Variants in SLC2A5 observed in about 807,000 individuals in gnomAD.
SLC2A5 encodes the protein solute carrier family 2, facilitated glucose transporter member 5.
A neutral mutation model predicts 50.3 loss-of-function variants in SLC2A5; 56 were observed. That is an observed-to-expected ratio of 1.11 (90% CI 0.90 to 1.39). The LOEUF is 1.39. Ranked by LOEUF, SLC2A5 falls within the 40% of genes most tolerant of loss-of-function variation. SLC2A5 has a pLI of 0.00. For synonymous variants in SLC2A5, 269 were observed against 281.9 expected, an observed-to-expected ratio of 0.95 and a Z score of 0.46; for missense variants, 566 against 650.1, an observed-to-expected ratio of 0.87 and a Z score of 1.41.
chr1:9,063,355 T>C (rs908150014), intron 1 of SLC2A5, among the ~76,000 whole-genome samples: 9 of 151,614 alleles, frequency 5.9e-5, no homozygotes, highest in African/African-American at 2.2e-4. Flanking sequence ...CCAGCCTGTA[T>C]ACTTTATTTA....
At chr1:9,092,562 G>A (rs764260610), upstream of SLC2A5, among the ~76,000 whole-genome samples, 1 of 152,114 alleles carries the variant, frequency 6.6e-6, no homozygotes, top group Non-Finnish European at 1.5e-5. Flanking sequence ...AACAGGATTG[G>A]CAAATTGATT....
At chr1:9,082,261 A>C (rs12733425) in intron 2 of SLC2A5, among the ~76,000 whole-genome samples, 13,106 of 152,266 alleles carry the variant, frequency 0.086, 694 homozygotes, top group Middle Eastern at 0.2. Flanking sequence ...ATATATACCC[A>C]AAAAGAATGA....
In SLC2A5 at chr1:9,040,046, C is replaced by T. The variant is rs1450973713; in HGVS notation, c.697+18G>A. 1 of 1,583,954 alleles carries T rather than the reference C, an allele frequency of 6.3e-7. No individual in the cohort carries two copies. The highest frequency in any genetic ancestry group is 8.6e-7 in the Non-Finnish European group (1 of 1,162,076). On this transcript the variant is annotated intron_variant, in intron 6 of 11. Transcript: ENST00000377424. This position sits in a 1 kb window ranked among gnomAD's most constrained non-coding sequence, Gnocchi z 4.3. ...GGGAGCAGAACCTGGAGGCCGCCCC[C>T]GCCAGAGCCCTCGTTACCTTTCTTG...
At chr1:9,045,254 T>C (rs1026392200) in intron 4 of SLC2A5, among the ~76,000 whole-genome samples, 1 of 152,194 alleles carries the variant, frequency 6.6e-6, no homozygotes, top group Admixed American at 6.5e-5. Flanking sequence ...AGGCTTATTT[T>C]AAAAAATGAA....
At chr1:9,081,209 G>A (rs189701343) in intron 2 of SLC2A5, among the ~76,000 whole-genome samples, 1 of 142,540 alleles carries the variant, frequency 7.0e-6, no homozygotes, top group East Asian at 2.1e-4. Context: ...GGAGTGAGCT[G>A]TGATCATACC....
At chr1:9,064,240 T>C (rs537429035) in intron 1 of SLC2A5, among the ~76,000 whole-genome samples, 1 of 152,296 alleles carries the variant, frequency 6.6e-6, no homozygotes, top group Admixed American at 6.5e-5. Flanking sequence ...TAAGCCCTCT[T>C]TCTTTCTTTT....
upstream of SLC2A5, among the ~76,000 whole-genome samples, chr1:9,089,324 C>T (rs193238196): frequency 5.4e-4 from 83 of 152,328 alleles, no homozygotes; most frequent in African/African-American, 1.9e-3. Context: ...TTTCTTATCA[C>T]ACCTCATTGA....
At chr1:9,065,285 CT>C (rs1018552236) in intron 1 of SLC2A5, among the ~76,000 whole-genome samples, 2 of 152,078 alleles carry the variant, frequency 1.3e-5, no homozygotes, top group African/African-American at 4.8e-5. Context: ...GCTACAGTTT[CT>C]TTTTTTAGGT....
At chr1:9,075,018 C>T (rs979652256) in intron 2 of SLC2A5, among the ~76,000 whole-genome samples, 1 of 148,472 alleles carries the variant, frequency 6.7e-6, no homozygotes, top group Non-Finnish European at 1.5e-5. Context: ...GAGATCCCAT[C>T]TCAAAAAACA....
chr1:9,057,246 A>C (rs1015967223), intron 3 of SLC2A5, among the ~76,000 whole-genome samples: 11 of 150,374 alleles, frequency 7.3e-5, no homozygotes, highest in African/African-American at 2.7e-4. Flanking sequence ...AGATCGCGCC[A>C]CTGCATTCCA....
chr1:9,076,998 A>T (rs1642290161), intron 2 of SLC2A5, among the ~76,000 whole-genome samples: 1 of 151,692 alleles, frequency 6.6e-6, no homozygotes, highest in Non-Finnish European at 1.5e-5. Flanking sequence ...CATGTTGGCC[A>T]GGCTGGTCTC....
Position 9,039,953 on chromosome 1 carries a change from G to C in SLC2A5, c.732C>G (p.Asp244Glu). The change falls in exon 7 of 12, where the codon GAC (aspartate) becomes GAG (glutamate). Residue 244 changes from aspartate (D) to glutamate (E), a missense_variant. Asp to Glu is a conservative substitution (Grantham distance 45, BLOSUM62 2). Coordinates refer to ENST00000377424, the MANE Select transcript of SLC2A5 (RefSeq NM_003039.3). ...CCTGCCGGATCTCGGCCACCTCCCT[G>C]TCCACAGAGTCCCAGCCGCGCAGCG... Reference protein sequence around the residue: ...LQTLRGWDSVDREVAEIRQED... With the variant: ...LQTLRGWDSVEREVAEIRQED... The C allele has an allele frequency of 6.2e-7, 1 of 1,612,726 alleles. No homozygotes were observed. The highest frequency in any genetic ancestry group is 2.2e-5 in the East Asian group (1 of 44,846).
At chr1:9,044,813 C>T (rs561037249) in intron 4 of SLC2A5, among the ~76,000 whole-genome samples, 1 of 152,288 alleles carries the variant, frequency 6.6e-6, no homozygotes, top group East Asian at 1.9e-4. Flanking sequence ...CCTCAGCTTC[C>T]TAAAGTGCTG....
At chr1:9,056,329 C>T (rs1641750796) in intron 3 of SLC2A5, among the ~76,000 whole-genome samples, 2 of 152,040 alleles carry the variant, frequency 1.3e-5, no homozygotes, top group South Asian at 4.1e-4. Context: ...GGGTTACAGG[C>T]ACCCACCACC....
intron 3 of SLC2A5, among the ~76,000 whole-genome samples, chr1:9,053,982 A>C (rs1208350055): frequency 6.6e-6 from 1 of 152,090 alleles, no homozygotes; most frequent in African/African-American, 2.4e-5. Flanking sequence ...AATAAATAGA[A>C]CTTATTGAAA....
At position 9,081,382 on chromosome 1, in the gene SLC2A5, C is replaced by T. The variant is rs140685999; in HGVS notation, c.-59+3632G>A. The stretch of plus-strand genomic sequence containing the variant: ...ATGAGCTGGGTACAGTGGCATGTGC[C>T]TATATTCCCAGCGACTTGGGAAGCT... On this transcript the variant is annotated intron_variant, in intron 2 of 5. Transcript: ENST00000464985. 4.2e-4 allele frequency among the ~76,000 whole-genome samples: 62 copies of T among 148,884 alleles called. No individual in the cohort carries two copies. In the East Asian group the frequency reaches 9.8e-3, roughly 24 times the overall value.
At chr1:9,094,088 C>T in the SLC2A5 span, among the ~76,000 whole-genome samples, 2 of 152,206 alleles carry the variant, frequency 1.3e-5, no homozygotes, top group Non-Finnish European at 2.9e-5. Flanking sequence ...GGGAAGTTTC[C>T]CTGTAGGGTT....
intron 5 of SLC2A5, chr1:9,041,441 C>T (rs985924157): frequency 1.0e-5 from 13 of 1,270,936 alleles, no homozygotes; most frequent in Non-Finnish European, 1.3e-5. Flanking sequence ...GATGCTGGGT[C>T]CGCCCCAAGC....
upstream of SLC2A5, among the ~76,000 whole-genome samples, chr1:9,070,828 G>T (rs193065720): frequency 6.6e-6 from 1 of 151,808 alleles, no homozygotes; most frequent in South Asian, 2.1e-4. Flanking sequence ...GCCTAGCAGC[G>T]TGGCCGTCTG....
Sources: allele counts gnomAD v4.1 joint callset (sites outside exome capture counted in the v4.1 genomes callset), GRCh38; gene constraint gnomAD v4.1.1; non-coding constraint Gnocchi (gnomAD v3.1); transcripts MANE v1.5; gene names NCBI Gene and HGNC (gene_info 2026-07-23, HGNC 2026-07-21).